The following DHX8 variants were observed in gnomAD, a reference collection of about 807,000 sequenced individuals.
The protein encoded by DHX8 is DEAH-box helicase 8, also known as ATP-dependent RNA helicase DHX8.
DHX8 carries 67 observed loss-of-function variants against 140.7 expected under a neutral mutation model. That is an observed-to-expected ratio of 0.48 (90% CI 0.39 to 0.58). The LOEUF is 0.58. Ranked by LOEUF, DHX8 falls within the 20% of genes least tolerant of loss-of-function variation. The pLI is 0.00. For synonymous variants in DHX8, 533 were observed against 553.2 expected, an observed-to-expected ratio of 0.96 and a Z score of 0.51; for missense variants, 887 against 1,550.7, an observed-to-expected ratio of 0.57 and a Z score of 7.19.
At position 43,513,521 on chromosome 17, in the gene DHX8, A is replaced by C; in HGVS notation, c.2643+19A>C. The stretch of plus-strand genomic sequence containing the variant: ...TTCTCAGGTATGACGGCTTGTATCA[A>C]CAGTTTTCCTGATAATCCTGATTAG... On this transcript the variant is annotated intron_variant, in intron 17 of 22. Transcript: ENST00000262415. 1 of 1,611,196 alleles carries C rather than the reference A, an allele frequency of 6.2e-7. No homozygotes were observed. The highest frequency in any genetic ancestry group is 8.5e-7 in the Non-Finnish European group (1 of 1,178,742).
Position 43,493,051 on chromosome 17 carries a change from G to T in DHX8, c.863+11G>T. ...GCTGGAAGGACTAAGGTAATGACTGGTGCTCTTTTGTTCACACCAGTGATG... is the reference window on the plus strand; with the variant it reads ...GCTGGAAGGACTAAGGTAATGACTGTTGCTCTTTTGTTCACACCAGTGATG... On this transcript the variant is annotated intron_variant, in intron 6 of 22. Coordinates refer to ENST00000262415, the MANE Select transcript of DHX8 (RefSeq NM_004941.3). 1 of 1,606,948 alleles carries T rather than the reference G, an allele frequency of 6.2e-7. No homozygotes were observed.
Position 43,524,298 on chromosome 17 carries a change from T to G in DHX8, c.*451T>G. 2 of 1,004,464 alleles carry G rather than the reference T, an allele frequency of 2.0e-6. No individual in the cohort carries two copies. 62.2% of individuals were successfully genotyped at this position (1,004,464 alleles called of 1,614,324 possible). On this transcript the variant is annotated 3_prime_UTR_variant, in exon 23 of 23. Coordinates refer to ENST00000262415, the MANE Select transcript of DHX8 (RefSeq NM_004941.3). The stretch of plus-strand genomic sequence containing the variant: ...ACTTTGGCTTGACCTCGTGGAAATA[T>G]TTATTTTCTTAAGGAAACAAAAATG...
chr17:43,521,146 A>G (rs1970356979), intron 20 of DHX8, among the ~76,000 whole-genome samples: 1 of 151,822 alleles, frequency 6.6e-6, no homozygotes, highest in South Asian at 2.1e-4. Context: ...TATTTTTAGT[A>G]GAGACAGGGT....
rs1970155119 is a variant in DHX8 at position 43,517,149 on chromosome 17, A to G, written c.2644-18A>G. On this transcript the variant is annotated intron_variant, in intron 17 of 22. Coordinates refer to ENST00000262415, the MANE Select transcript of DHX8 (RefSeq NM_004941.3). ...AGTGTTTAACAGATATGTTGCTTTT[A>G]TATGCCCACCCCTCTAGGCTCAGGC... The G allele has an allele frequency of 6.2e-7, 1 of 1,603,152 alleles. No homozygotes were observed.
chr17:43,534,668 G>A (rs527372860), intron 2 of DHX8, among the ~76,000 whole-genome samples: 5 of 152,198 alleles, frequency 3.3e-5, no homozygotes, highest in Middle Eastern at 3.4e-3. Flanking sequence ...GGCCGGGCGC[G>A]GTGGCTCACG....
At position 43,508,535 on chromosome 17, in the gene DHX8, A is replaced by G; in HGVS notation, c.2502+15A>G. 1 of 1,589,958 alleles carries G rather than the reference A, an allele frequency of 6.3e-7. No individual in the cohort carries two copies. The highest frequency in any genetic ancestry group is 8.6e-7 in the Non-Finnish European group (1 of 1,162,138). The stretch of plus-strand genomic sequence containing the variant: ...GCAGCAGAAAGGTAACATGGGCAAA[A>G]ATGAAGCTTCCATGTGCCCTGAAAC... On this transcript the variant is annotated intron_variant, in intron 16 of 22. Transcript: ENST00000262415.
intron 21 of DHX8, 53 bp from the exon 22 acceptor site, chr17:43,521,994 A>T (rs1169709990): frequency 2.2e-5 from 35 of 1,585,952 alleles, no homozygotes; most frequent in Admixed American, 8.5e-5. Flanking sequence ...GTCATTGTGA[A>T]AATAGACCTG....
chr17:43,502,585 A>C (rs867155200), intron 11 of DHX8, among the ~76,000 whole-genome samples: 1 of 151,968 alleles, frequency 6.6e-6, no homozygotes, highest in African/African-American at 2.4e-5. Context: ...ACCACGCACG[A>C]GTAATTATTT....
chr17:43,493,792 T>C lies in DHX8; in HGVS notation c.1118T>C (p.Leu373Ser). ...SMRNPDRPTH[L>S]SLVSAPEVED... ...CGGAATCCTGATAGACCCACTCACTTGTCCCTTGTCAGTGCTCCTGAAGTA... is the reference window on the plus strand; with the variant it reads ...CGGAATCCTGATAGACCCACTCACTCGTCCCTTGTCAGTGCTCCTGAAGTA... The change falls in exon 8 of 23, where the codon TTG becomes TCG. Residue 373 changes from leucine (L) to serine (S), a missense_variant. By Grantham distance (145) the Leu-to-Ser change is moderately radical. Coordinates refer to ENST00000262415, the MANE Select transcript of DHX8 (RefSeq NM_004941.3). 1 of 1,614,206 alleles carries C rather than the reference T, an allele frequency of 6.2e-7. No homozygotes were observed. Among genetic ancestry groups the C allele is most frequent in the Non-Finnish European group, 8.5e-7 (1 of 1,180,040 alleles).
chr17:43,499,809 G>C (rs188539159), intron 10 of DHX8, 147 bp from the exon 11 acceptor site: 13 of 851,596 alleles, frequency 1.5e-5, no homozygotes, highest in Non-Finnish European at 2.4e-5. Context: ...AATATGCTAC[G>C]GTTTATCCAT....
chr17:43,526,687 C>G, downstream of DHX8: 1 of 1,513,708 alleles, frequency 6.6e-7, no homozygotes, highest in Non-Finnish European at 8.8e-7. Context: ...CTCCCTCTCT[C>G]TTCGTGTGTG....
At chr17:43,496,155 A>C (rs770150366) in intron 8 of DHX8, 26 bp from the exon 9 acceptor site, 1 of 1,589,536 alleles carries the variant, frequency 6.3e-7, no homozygotes, top group Non-Finnish European at 8.6e-7. Flanking sequence ...GCAGGTTACA[A>C]ATGCTGCCTT....
At chr17:43,511,149 G>A (rs796191093) in intron 16 of DHX8, among the ~76,000 whole-genome samples, 3 of 152,096 alleles carry the variant, frequency 2.0e-5, no homozygotes, top group African/African-American at 7.2e-5. Context: ...GGCTGATATG[G>A]TGAAACCCTG....
At chr17:43,486,769 T>A (rs1029100310) in intron 1 of DHX8, among the ~76,000 whole-genome samples, 11 of 150,524 alleles carry the variant, frequency 7.3e-5, no homozygotes, top group African/African-American at 2.7e-4. Context: ...TCCTAGCTAC[T>A]CAGGAGGCTG....
Position 43,496,347 on chromosome 17 carries a change from A to G in DHX8, c.1300+79A>G, listed in dbSNP as rs1598132760. 8 of 947,020 alleles carry G rather than the reference A, an allele frequency of 8.4e-6. No individual in the cohort carries two copies. The East Asian group carries it at 1.5e-4, about 17-fold the overall frequency. The allele number at this position is 947,020 out of a possible 1,614,324, so 58.7% of individuals were successfully genotyped here. ...GGGTGATTTGCCTGTAGTTTAACCCAGTGGCTATTAATCATTTGTTCTTTG... is the reference window on the plus strand; with the variant it reads ...GGGTGATTTGCCTGTAGTTTAACCCGGTGGCTATTAATCATTTGTTCTTTG... On this transcript the variant is annotated intron_variant, in intron 9 of 22. Coordinates refer to ENST00000262415, the MANE Select transcript of DHX8 (RefSeq NM_004941.3).
chr17:43,514,149 C>A lies in DHX8; in HGVS notation c.2643+647C>A, dbSNP rs73304560. On this transcript the variant is annotated intron_variant, in intron 17 of 22. Coordinates refer to ENST00000262415, the MANE Select transcript of DHX8 (RefSeq NM_004941.3). Reference sequence around the variant, plus strand: ...TTGAGGCCAAGAGTTCTAAACTAGCCTGGGCAACATAGCAAGACTCTGTCA... The same window carrying A: ...TTGAGGCCAAGAGTTCTAAACTAGCATGGGCAACATAGCAAGACTCTGTCA... Among the ~76,000 whole-genome samples the A allele has an allele frequency of 1.0e-2, 1,515 of 151,976 alleles. 20 individuals carry two copies. Among genetic ancestry groups the A allele is most frequent in the African/African-American group, 0.035 (1,454 of 41,390 alleles).
At chr17:43,519,844 G>C (rs909824759) in intron 18 of DHX8, 1 of 265,546 alleles carries the variant, frequency 3.8e-6, no homozygotes, top group East Asian at 9.6e-5. Flanking sequence ...GGGATGCTGA[G>C]GCAGAAGAAT....
In DHX8 at chr17:43,508,555, T is replaced by A. The variant is rs139156641; in HGVS notation, c.2502+35T>A. 4.2e-5 allele frequency: 62 copies of A among 1,462,102 alleles called. No homozygotes were observed. In the African/African-American group the frequency reaches 7.6e-4, roughly 18 times the overall value. 90.6% of individuals were successfully genotyped at this position (1,462,102 alleles called of 1,614,324 possible). A position where few individuals can be genotyped will look rare whatever the true frequency, so the allele number is the denominator to read the frequency against. ...GCAAAAATGAAGCTTCCATGTGCCC[T>A]GAAACCATGTGTTGTGTGCAGCCTG... is the stretch of plus-strand genomic sequence containing the variant. On this transcript the variant is annotated intron_variant, in intron 16 of 22. Coordinates refer to ENST00000262415, the MANE Select transcript of DHX8 (RefSeq NM_004941.3).
chr17:43,521,589 G>T lies in DHX8; in HGVS notation c.3263+24G>T. The T allele has an allele frequency of 1.9e-6, 3 of 1,596,882 alleles. No homozygotes were observed. In the East Asian group the frequency reaches 6.7e-5, roughly 36 times the overall value. The stretch of plus-strand genomic sequence containing the variant: ...AGGTAAGCTGGAATCTGATGACTCT[G>T]CATGTTTGAGTTGAACCACCTTGAG... On this transcript the variant is annotated intron_variant, in intron 21 of 22. Transcript: ENST00000262415.
Sources: allele counts gnomAD v4.1 joint callset (sites outside exome capture counted in the v4.1 genomes callset), GRCh38; gene constraint gnomAD v4.1.1; transcripts MANE v1.5; gene names NCBI Gene and HGNC (gene_info 2026-07-23, HGNC 2026-07-21).